The following MS4A3 variants were observed in gnomAD, a reference collection of about 807,000 sequenced individuals.
MS4A3 encodes membrane-spanning 4-domains subfamily A member 3.
MS4A3 carries 18 observed loss-of-function variants against 24.7 expected under a neutral mutation model. The observed-to-expected ratio is 0.73, with a 90% CI of 0.50 to 1.08. The LOEUF (loss-of-function observed/expected upper bound fraction) is 1.08. Ranked by LOEUF, MS4A3 falls within the 50% of genes least tolerant of loss-of-function variation. MS4A3 has a pLI of 0.00. For synonymous variants in MS4A3, 84 were observed against 95.3 expected, an observed-to-expected ratio of 0.88 and a Z score of 0.69; for missense variants, 282 against 251.7, an observed-to-expected ratio of 1.12 and a Z score of -0.82.
chr11:60,070,116 T>A, intron 6 of MS4A3, 88 bp from the exon 7 acceptor site: 1 of 1,150,502 alleles, frequency 8.7e-7, no homozygotes, highest in East Asian at 2.3e-5. Context: ...GATTTTATTG[T>A]TGATGATTAT....
At chr11:60,066,879 T>C in intron 4 of MS4A3, 72 bp from the exon 5 acceptor site, 3 of 1,196,352 alleles carry the variant, frequency 2.5e-6, no homozygotes, top group Non-Finnish European at 3.4e-6. Context: ...CAATGTTTGT[T>C]TCAATGAATT....
chr11:60,067,009 C>A lies in MS4A3; in HGVS notation c.410C>A (p.Ala137Asp), dbSNP rs758396048. ...GCTACAATTGCACTAGTGGGGACTG[C>A]TTTTCTCTCACTAAATATAGCAGTT... ...ASATIALVGT[A>D]FLSLNIAVNI... is the part of the protein sequence containing the mutation. The change falls in exon 5 of 7, where the codon GCT (alanine) becomes GAT (aspartate). Residue 137 changes from alanine to aspartate, a missense_variant. Coordinates refer to ENST00000278865, the MANE Select transcript of MS4A3 (RefSeq NM_006138.5). 1.9e-6 allele frequency: 3 copies of A among 1,613,130 alleles called. No individual in the cohort carries two copies. Among genetic ancestry groups the A allele is most frequent in the East Asian group, 2.2e-5 (1 of 44,860 alleles).
At chr11:60,069,301 A>AT (rs1270608175) in intron 5 of MS4A3, among the ~76,000 whole-genome samples, 2 of 152,280 alleles carry the variant, frequency 1.3e-5, no homozygotes, top group African/African-American at 4.8e-5. Context: ...TAATGTCAGA[A>AT]TTTTGTTTCT....
rs1239734330 is a variant in MS4A3, at chr11:60,069,595, A to G, written c.535A>G (p.Ile179Val). 6.2e-7 allele frequency: 1 copy of G among 1,613,210 alleles called. No homozygotes were observed. The highest frequency in any genetic ancestry group is 8.5e-7 in the Non-Finnish European group (1 of 1,179,484). ...CTAGGGCATGGTGTCTCTACTGCTG[A>G]TTCTCACCTTGCTGGAATTATGCGT... ...ISNGMVSLLL[I>V]LTLLELCVTI... is the part of the protein sequence containing the mutation. The change falls in exon 6 of 7, where the codon ATT (isoleucine) becomes GTT (valine). Residue 179 changes from isoleucine (I) to valine (V), a missense_variant. By Grantham distance (29) the Ile-to-Val change is conservative. Coordinates refer to ENST00000278865, the MANE Select transcript of MS4A3 (RefSeq NM_006138.5).
chr11:60,068,857 C>T (rs185494881), intron 5 of MS4A3, among the ~76,000 whole-genome samples: 23 of 152,180 alleles, frequency 1.5e-4, no homozygotes, highest in African/African-American at 4.6e-4. Context: ...TCCCCCAGCC[C>T]CCCACCCCAC....
chr11:60,066,997 T>G lies in MS4A3; in HGVS notation c.398T>G (p.Leu133Arg). 6.2e-7 allele frequency: 1 copy of G among 1,611,378 alleles called. No homozygotes were observed. Among genetic ancestry groups the G allele is most frequent in the Non-Finnish European group, 8.5e-7 (1 of 1,179,450 alleles). ...AACATTGCCAGTGCTACAATTGCAC[T>G]AGTGGGGACTGCTTTTCTCTCACTA... is the stretch of plus-strand genomic sequence containing the variant. ...GMNIASATIA[L>R]VGTAFLSLNI... Residue 133 changes from leucine to arginine, a missense_variant, in exon 5 of 7, where the codon CTA becomes CGA. Transcript: ENST00000278865.
chr11:60,058,977 G>T (rs1409626842), intron 1 of MS4A3, among the ~76,000 whole-genome samples: 14 of 152,070 alleles, frequency 9.2e-5, no homozygotes, highest in Admixed American at 5.9e-4. Flanking sequence ...GAACACGGGG[G>T]GTTAAGGGTT....
intron 1 of MS4A3, among the ~76,000 whole-genome samples, chr11:60,057,700 G>A (rs998642820): frequency 6.6e-6 from 1 of 152,128 alleles, no homozygotes; most frequent in Non-Finnish European, 1.5e-5. Context: ...CACTGCACCC[G>A]GACCATTTCT....
chr11:60,067,829 C>CGAGGTCGA (rs1403710846), intron 5 of MS4A3, among the ~76,000 whole-genome samples: 2 of 151,278 alleles, frequency 1.3e-5, no homozygotes, highest in Non-Finnish European at 2.9e-5. Context: ...AGGCGGATCA[C>CGAGGTCGA]GAGGTCGAGA....
intron 4 of MS4A3, among the ~76,000 whole-genome samples, chr11:60,064,706 A>G (rs1855331864): frequency 6.6e-6 from 1 of 152,208 alleles, no homozygotes; most frequent in Non-Finnish European, 1.5e-5. Flanking sequence ...TCACGTAGCC[A>G]CTGATACTCC....
chr11:60,063,189 A>T (rs1855305473), intron 3 of MS4A3, among the ~76,000 whole-genome samples: 1 of 152,182 alleles, frequency 6.6e-6, no homozygotes. Context: ...TGTTACATTT[A>T]TAGATACTTA....
At chr11:60,057,597 G>A (rs1240527663) in intron 1 of MS4A3, among the ~76,000 whole-genome samples, 1 of 151,994 alleles carries the variant, frequency 6.6e-6, no homozygotes, top group African/African-American at 2.4e-5. Flanking sequence ...GTAGAAACAG[G>A]GTTTCACCAT....
Position 60,061,249 on chromosome 11 carries a change from A to G in MS4A3, c.89A>G (p.Asn30Ser). 1 of 1,614,056 alleles carries G rather than the reference A, an allele frequency of 6.2e-7. No homozygotes were observed. Among genetic ancestry groups the G allele is most frequent in the Admixed American group, 1.7e-5 (1 of 60,004 alleles). The change falls in exon 2 of 7, where the codon AAT becomes AGT. Residue 30 changes from asparagine to serine, a missense_variant. Coordinates refer to ENST00000278865, the MANE Select transcript of MS4A3 (RefSeq NM_006138.5). Reference sequence around the variant, plus strand: ...AGTGAGGCGGGACCAGAAGAGCTGAATACTTCTGTCTACCAGCCCATAGAT... The same window carrying G: ...AGTGAGGCGGGACCAGAAGAGCTGAGTACTTCTGTCTACCAGCCCATAGAT... ...PGSEAGPEEL[N>S]TSVYQPIDGS... is the part of the protein sequence containing the mutation.
chr11:60,069,700 A>G, intron 6 of MS4A3, 25 bp downstream of exon 6: 1 of 1,541,478 alleles, frequency 6.5e-7, no homozygotes, highest in Non-Finnish European at 9.0e-7. Flanking sequence ...ATGATTAATC[A>G]TTCACATGAT....
At chr11:60,060,203 C>T (rs932699760) in intron 1 of MS4A3, among the ~76,000 whole-genome samples, 1 of 152,136 alleles carries the variant, frequency 6.6e-6, no homozygotes, top group Non-Finnish European at 1.5e-5. Context: ...AAAGCTGATA[C>T]CACCTGTTCA....
intron 3 of MS4A3, among the ~76,000 whole-genome samples, chr11:60,063,179 T>C (rs992738175): frequency 6.6e-6 from 1 of 152,174 alleles, no homozygotes; most frequent in Admixed American, 6.5e-5. Context: ...TATAACTATA[T>C]GTTACATTTA....
At chr11:60,058,733 G>A (rs1386119490) in intron 1 of MS4A3, among the ~76,000 whole-genome samples, 3 of 151,918 alleles carry the variant, frequency 2.0e-5, no homozygotes, top group Admixed American at 6.6e-5. Flanking sequence ...GGAGACGTAG[G>A]CGAGAGATTA....
chr11:60,067,009 C>T lies in MS4A3; in HGVS notation c.410C>T (p.Ala137Val), dbSNP rs758396048. 1.2e-6 allele frequency: 2 copies of T among 1,613,012 alleles called. No individual in the cohort carries two copies. Among genetic ancestry groups the T allele is most frequent in the Non-Finnish European group, 1.7e-6 (2 of 1,179,742 alleles). ...ASATIALVGT[A>V]FLSLNIAVNI... The stretch of plus-strand genomic sequence containing the variant: ...GCTACAATTGCACTAGTGGGGACTG[C>T]TTTTCTCTCACTAAATATAGCAGTT... The change falls in exon 5 of 7, where the codon GCT becomes GTT. Residue 137 changes from alanine to valine, a missense_variant. Ala to Val is a moderately conservative substitution (Grantham distance 64). Coordinates refer to ENST00000278865, the MANE Select transcript of MS4A3 (RefSeq NM_006138.5).
At chr11:60,061,766 C>T (rs942705107) in intron 2 of MS4A3, among the ~76,000 whole-genome samples, 9 of 152,124 alleles carry the variant, frequency 5.9e-5, no homozygotes, top group African/African-American at 9.7e-5. Flanking sequence ...GCATTCCAAA[C>T]CCCAATGTTG....
Sources: allele counts gnomAD v4.1 joint callset (sites outside exome capture counted in the v4.1 genomes callset), GRCh38; gene constraint gnomAD v4.1.1; transcripts MANE v1.5; gene names NCBI Gene and HGNC (gene_info 2026-07-23, HGNC 2026-07-21).